Variants in PPCDC observed in about 807,000 individuals in gnomAD.
The protein encoded by PPCDC is phosphopantothenoylcysteine decarboxylase.
PPCDC carries 20 observed loss-of-function variants against 20.7 expected under a neutral mutation model. The ratio of observed to expected loss-of-function variants is 0.97; its 90% CI spans 0.68 to 1.41. PPCDC has a LOEUF of 1.41. Among genes scored for constraint, PPCDC ranks in the 40% most tolerant of loss-of-function variants. PPCDC has a pLI of 0.00. For synonymous variants in PPCDC, 88 were observed against 100.3 expected (o/e 0.88, Z 0.73); for missense variants, 246 against 263.8 (o/e 0.93, Z 0.47).
chr15:75,043,953 T>A (rs2066188969), intron 3 of PPCDC, among the ~76,000 whole-genome samples: 1 of 152,168 alleles, frequency 6.6e-6, no homozygotes, highest in Non-Finnish European at 1.5e-5. Flanking sequence ...ACGCTGAGTG[T>A]GGGCCTCACA....
In PPCDC at chr15:75,028,274, C is replaced by G; in HGVS notation, c.-45C>G. 6.2e-7 allele frequency: 1 copy of G among 1,607,468 alleles called. No homozygotes were observed. The highest frequency in any genetic ancestry group is 8.5e-7 in the Non-Finnish European group (1 of 1,177,968). ...CCTAAATCCCGACAGCTTTATAGAGCCCAGGCCTGGCAGGCTCCCAGAACT... is the reference window on the plus strand; with the variant it reads ...CCTAAATCCCGACAGCTTTATAGAGGCCAGGCCTGGCAGGCTCCCAGAACT... On this transcript the variant is annotated 5_prime_UTR_variant, in exon 2 of 6. Transcript: ENST00000342932.
rs1267491572 is a variant in PPCDC, at chr15:75,044,273, C to T, written c.232-113C>T. ...AGCTGCAGGAGGGAACGGAGGTTGG[C>T]CTGGGCAGGGCAGGTCAGTGGGTTC... On this transcript the variant is annotated intron_variant, in intron 3 of 5. Coordinates refer to ENST00000342932, the MANE Select transcript of PPCDC (RefSeq NM_021823.5). The T allele has an allele frequency of 4.1e-6, 6 of 1,472,556 alleles. No homozygotes were observed. In the African/African-American group the frequency reaches 5.5e-5, roughly 14 times the overall value. The allele number at this position is 1,472,556 out of a possible 1,614,324, so 91.2% of individuals were successfully genotyped here.
chr15:75,041,548 C>T (rs1459130744), intron 2 of PPCDC, among the ~76,000 whole-genome samples: 1 of 152,156 alleles, frequency 6.6e-6, no homozygotes. Context: ...GGAGGATCAC[C>T]TGAGCCCAGG....
chr15:75,044,378 T>G lies in PPCDC; in HGVS notation c.232-8T>G, dbSNP rs1168617214. The G allele has an allele frequency of 3.1e-6, 5 of 1,613,270 alleles. No individual in the cohort carries two copies. The Admixed American group carries it at 5.0e-5, about 16-fold the overall frequency. ...TCCACACTGACCCCTTTTTCTTCCCTCTGCCAGATATGGAAGAGCCGCTCT... is the reference window on the plus strand; with the variant it reads ...TCCACACTGACCCCTTTTTCTTCCCGCTGCCAGATATGGAAGAGCCGCTCT... On this transcript the variant is annotated splice_polypyrimidine_tract_variant and splice_region_variant and intron_variant, in intron 3 of 5. Transcript: ENST00000342932.
At chr15:75,028,507 T>G in intron 2 of PPCDC, 54 bp downstream of exon 2, 2 of 1,608,078 alleles carry the variant, frequency 1.2e-6, no homozygotes, top group Non-Finnish European at 1.7e-6. Context: ...AGGCCGGTGC[T>G]CCCGGGGATG....
intron 1 of PPCDC, among the ~76,000 whole-genome samples, chr15:75,024,266 G>A (rs1264395398): frequency 6.6e-6 from 1 of 152,194 alleles, no homozygotes; most frequent in East Asian, 1.9e-4. Context: ...GTAGCAATTC[G>A]CAGTCACTGC....
At chr15:75,024,427 A>T (rs2065938319) in intron 1 of PPCDC, among the ~76,000 whole-genome samples, 1 of 151,878 alleles carries the variant, frequency 6.6e-6, no homozygotes, top group South Asian at 2.1e-4. Flanking sequence ...GGCTCACTGC[A>T]GCCTCGACCT....
chr15:75,044,672 C>A, intron 4 of PPCDC, 158 bp downstream of exon 4: 1 of 1,011,486 alleles, frequency 9.9e-7, no homozygotes, highest in South Asian at 1.7e-5. Flanking sequence ...AGTGCTCTCA[C>A]CTTCTCTGTA....
chr15:75,040,695 T>C (rs1012659303), intron 2 of PPCDC, among the ~76,000 whole-genome samples: 1 of 152,186 alleles, frequency 6.6e-6, no homozygotes, highest in South Asian at 2.1e-4. Context: ...GGTCTCACCC[T>C]TTCACCCAGG....
Position 75,046,857 on chromosome 15 carries a change from G to C in PPCDC, c.361-1696G>C, listed in dbSNP as rs1003303721. The stretch of plus-strand genomic sequence containing the variant: ...CTGTCCTCTAGCCCACTAAGGCCCT[G>C]GCCCATTTGTGCTAAACAGGCAGTC... On this transcript the variant is annotated intron_variant, in intron 4 of 5. Transcript: ENST00000342932. Among the ~76,000 whole-genome samples, 6 of 152,354 alleles carry C rather than the reference G, an allele frequency of 3.9e-5. No homozygotes were observed. In the South Asian group the frequency reaches 1.0e-3, roughly 26 times the overall value.
chr15:75,039,976 G>T (rs916516883), intron 2 of PPCDC, among the ~76,000 whole-genome samples: 2 of 152,048 alleles, frequency 1.3e-5, no homozygotes, highest in African/African-American at 2.4e-5. Flanking sequence ...TAGAGATGGG[G>T]TTTCTCCTTG....
intron 2 of PPCDC, among the ~76,000 whole-genome samples, chr15:75,033,993 G>A (rs994755438): frequency 6.6e-6 from 1 of 152,226 alleles, no homozygotes; most frequent in Non-Finnish European, 1.5e-5. Context: ...TCCCCCAGGG[G>A]CAGATGAGAG....
chr15:75,048,977 C>T (rs2042210026), intron 5 of PPCDC, among the ~76,000 whole-genome samples, 173 bp from the exon 6 acceptor site: 1 of 152,112 alleles, frequency 6.6e-6, no homozygotes, highest in Non-Finnish European at 1.5e-5. Flanking sequence ...GGAACGAGTC[C>T]CAGGGTCTTG....
At chr15:75,043,276 G>T in intron 2 of PPCDC, 165 bp from the exon 3 acceptor site, 1 of 598,890 alleles carries the variant, frequency 1.7e-6, no homozygotes, top group East Asian at 2.9e-5. Flanking sequence ...GACAGCAGAA[G>T]TAGCTAAGCA....
rs146512098 is a variant in PPCDC, at chr15:75,025,937, T to TAC, written c.-72-2299_-72-2298dup. Among the ~76,000 whole-genome samples, 44 of 152,160 alleles carry TAC rather than the reference T, an allele frequency of 2.9e-4. 2 individuals are homozygous for TAC. The highest frequency in any genetic ancestry group is 4.4e-5 in the Non-Finnish European group (3 of 67,966). ...TCTTCAAGTATATTAAGCACACACA[T>TAC]ACACACACACACCCTCTTTTTTAGG... On this transcript the variant is annotated intron_variant, in intron 1 of 5. Transcript: ENST00000342932.
chr15:75,039,470 GGAA>G (rs2066126355), intron 2 of PPCDC, among the ~76,000 whole-genome samples: 1 of 152,102 alleles, frequency 6.6e-6, no homozygotes, highest in Non-Finnish European at 1.5e-5. Flanking sequence ...GCCTTGGGTG[GGAA>G]GAAGACCTGG....
In PPCDC at chr15:75,038,868, C is replaced by CT. The variant is rs140106057; in HGVS notation, c.136-4564dup. 0.017 allele frequency among the ~76,000 whole-genome samples: 2,500 copies of CT among 150,782 alleles called. 141 individuals are homozygous for CT. The East Asian group carries it at 0.21, about 13-fold the overall frequency. On this transcript the variant is annotated intron_variant, in intron 2 of 5. Coordinates refer to ENST00000342932, the MANE Select transcript of PPCDC (RefSeq NM_021823.5). ...TTTCTACTATTATCCGTTTCTTTAT[C>CT]TTTTTTTTTCTCCTTTCTGGAAGAT...
In PPCDC at chr15:75,044,797, C is replaced by T. The variant is rs182366168; in HGVS notation, c.360+283C>T. On this transcript the variant is annotated intron_variant, in intron 4 of 5. Coordinates refer to ENST00000342932, the MANE Select transcript of PPCDC (RefSeq NM_021823.5). ...GCCAGGTGCCCACAGGAAGACCCTT[C>T]TTCCTTGCTCTTTGTCCCTCCTCGT... 10 of 370,828 alleles carry T rather than the reference C, an allele frequency of 2.7e-5. No homozygotes were observed. In the East Asian group the frequency reaches 6.3e-4, roughly 23 times the overall value. The allele number at this position is 370,828 out of a possible 1,614,324, so 23.0% of individuals were successfully genotyped here.
At chr15:75,038,444 G>C (rs953984966) in intron 2 of PPCDC, among the ~76,000 whole-genome samples, 1 of 152,204 alleles carries the variant, frequency 6.6e-6, no homozygotes, top group African/African-American at 2.4e-5. Flanking sequence ...GTTTACCAGG[G>C]ACATGTGAGG....
Sources: allele counts gnomAD v4.1 joint callset (sites outside exome capture counted in the v4.1 genomes callset), GRCh38; gene constraint gnomAD v4.1.1; transcripts MANE v1.5; gene names NCBI Gene and HGNC (gene_info 2026-07-23, HGNC 2026-07-21).